DRAM1: variants seen among roughly 807,000 people sequenced by gnomAD.
DRAM1 encodes the protein DNA damage-regulated autophagy modulator protein 1.
In DRAM1, 25 loss-of-function variants were observed where a neutral mutation model predicts 28.5. That is an observed-to-expected ratio of 0.88 (90% CI 0.64 to 1.23). DRAM1 has a LOEUF of 1.23. Ranked by LOEUF, DRAM1 falls within the 50% of genes most tolerant of loss-of-function variation. DRAM1 has a pLI of 0.00. For missense variants in DRAM1, 249 were observed against 299.2 expected, an observed-to-expected ratio of 0.83 and a Z score of 1.24; for synonymous variants, 113 against 114.2, an observed-to-expected ratio of 0.99 and a Z score of 0.07.
At position 101,901,424 on chromosome 12, in the gene DRAM1, C is replaced by A. The variant is rs767425290; in HGVS notation, c.333C>A (p.Ala111=). 1.9e-5 allele frequency: 31 copies of A among 1,613,726 alleles called. No individual in the cohort carries two copies. The highest frequency in any genetic ancestry group is 2.3e-5 in the Non-Finnish European group (27 of 1,179,948). The part of the protein sequence containing the change: ...LVGCFGMGIV[A]NFQELAVPVV... ...GATGTTTCGGAATGGGCATTGTCGC[C>A]AATTTTCAGGTATAATCTGGAGCTT... is the stretch of plus-strand genomic sequence containing the variant. Residue 111 remains alanine (A), a synonymous_variant, in exon 3 of 7, where the codon GCC becomes GCA. Coordinates refer to ENST00000258534, the MANE Select transcript of DRAM1 (RefSeq NM_018370.3).
In DRAM1 at chr12:101,921,860, A is replaced by G. The variant is rs1484645995; in HGVS notation, c.*600A>G. ...CTGAGAGGCCTTTATACCACCATGT[A>G]CAGTAACTCTAAGTGAATACGGAAG... On this transcript the variant is annotated 3_prime_UTR_variant, in exon 7 of 7. Coordinates refer to ENST00000258534, the MANE Select transcript of DRAM1 (RefSeq NM_018370.3). 1 of 152,394 alleles carries G rather than the reference A, an allele frequency of 6.6e-6. No homozygotes were observed. Among genetic ancestry groups the G allele is most frequent in the Non-Finnish European group, 1.5e-5 (1 of 68,190 alleles). The allele number at this position is 152,394 out of a possible 1,614,324, so 9.4% of individuals were successfully genotyped here. A position where few individuals can be genotyped will look rare whatever the true frequency, so the allele number is the denominator to read the frequency against.
At chr12:101,906,820 A>T (rs1479864521) in intron 3 of DRAM1, among the ~76,000 whole-genome samples, 1 of 146,758 alleles carries the variant, frequency 6.8e-6, no homozygotes. Context: ...TCATCACTGC[A>T]CTCCAGCCTG....
At position 101,914,411 on chromosome 12, in the gene DRAM1, G is replaced by A. The variant is rs186329557; in HGVS notation, c.579+179G>A. Among the ~76,000 whole-genome samples, 185 of 152,146 alleles carry A rather than the reference G, an allele frequency of 1.2e-3. No individual in the cohort carries two copies. Among genetic ancestry groups the A allele is most frequent in the Middle Eastern group, 3.4e-3 (1 of 290 alleles). On this transcript the variant is annotated intron_variant, in intron 5 of 6. Transcript: ENST00000258534. ...GGCAGTATGTAGTAATTAGCTATCA[G>A]GGTAATTCCAAATGCTTCCTGGAAG...
intron 4 of DRAM1, among the ~76,000 whole-genome samples, chr12:101,911,047 C>T (rs780922949): frequency 3.9e-5 from 6 of 151,946 alleles, no homozygotes; most frequent in Non-Finnish European, 8.8e-5. Context: ...ACCAACCTGG[C>T]CAACATGGTG....
Position 101,921,534 on chromosome 12 carries a change from T to C in DRAM1, c.*274T>C, listed in dbSNP as rs1475362591. On this transcript the variant is annotated 3_prime_UTR_variant, in exon 7 of 7. Transcript: ENST00000258534. Reference sequence around the variant, plus strand: ...TTCATATACAGAAAAAATAAGGTGTTACAAAAAATGGAGAGCTCTTATTTT... The same window carrying C: ...TTCATATACAGAAAAAATAAGGTGTCACAAAAAATGGAGAGCTCTTATTTT... 1 of 270,394 alleles carries C rather than the reference T, an allele frequency of 3.7e-6. No individual in the cohort carries two copies. Among genetic ancestry groups the C allele is most frequent in the Non-Finnish European group, 6.8e-6 (1 of 146,048 alleles). 16.7% of individuals were successfully genotyped at this position (270,394 alleles called of 1,614,324 possible).
intron 1 of DRAM1, among the ~76,000 whole-genome samples, chr12:101,884,787 G>C (rs1289561809): frequency 6.6e-6 from 1 of 152,214 alleles, no homozygotes; most frequent in East Asian, 1.9e-4. Flanking sequence ...TGAAGTAAAA[G>C]AAGTTTGGTC....
In DRAM1 at chr12:101,921,490, AT is replaced by A. The variant is rs1874482057; in HGVS notation, c.*237del. On this transcript the variant is annotated 3_prime_UTR_variant, in exon 7 of 7. Coordinates refer to ENST00000258534, the MANE Select transcript of DRAM1 (RefSeq NM_018370.3). ...GATGTTTTTATAATTTTCTAAGTAGATTTTTTTATATTAACAAATTCATATA... is the reference window on the plus strand; with the variant it reads ...GATGTTTTTATAATTTTCTAAGTAGATTTTTTATATTAACAAATTCATATA... The A allele has an allele frequency of 2.8e-6, 1 of 357,520 alleles. No homozygotes were observed. The highest frequency in any genetic ancestry group is 4.6e-5 in the East Asian group (1 of 21,912). The allele number at this position is 357,520 out of a possible 1,614,324, so 22.1% of individuals were successfully genotyped here. A position where few individuals can be genotyped will look rare whatever the true frequency, so the allele number is the denominator to read the frequency against.
At chr12:101,884,819 AT>A (rs751543994) in intron 1 of DRAM1, among the ~76,000 whole-genome samples, 1 of 152,212 alleles carries the variant, frequency 6.6e-6, no homozygotes, top group Admixed American at 6.5e-5. Flanking sequence ...TTCAAAAATG[AT>A]ACTAAAAATT....
chr12:101,914,305 G>T, intron 5 of DRAM1, 73 bp downstream of exon 5: 1 of 1,151,474 alleles, frequency 8.7e-7, no homozygotes, highest in Non-Finnish European at 1.3e-6. Context: ...TAGGCATAGG[G>T]AAGATCACTG....
rs764552698 is a variant in DRAM1 at position 101,914,179 on chromosome 12, G to A, written c.526G>A (p.Val176Ile). ...VSCAAVIPMI[V>I]CASLISITKL... is the part of the protein sequence containing the mutation. ...TAACTGTTTACTTCTTTCAGTGATT[G>A]TCTGTGCTTCACTAATTTCCATAAC... Residue 176 changes from valine (V) to isoleucine (I), a missense_variant, in exon 5 of 7, where the codon GTC becomes ATC. This residue lies in a region of DRAM1 where 218 missense variants were observed against 243.1 expected (regional missense o/e 0.90). Transcript: ENST00000258534. 3 of 1,607,196 alleles carry A rather than the reference G, an allele frequency of 1.9e-6. No individual in the cohort carries two copies. The highest frequency in any genetic ancestry group is 1.3e-5 in the African/African-American group (1 of 74,640).
chr12:101,917,198 T>C (rs1372713487), intron 5 of DRAM1, among the ~76,000 whole-genome samples: 2 of 152,210 alleles, frequency 1.3e-5, no homozygotes, highest in Admixed American at 1.3e-4. Context: ...GATGGTTCTT[T>C]CATTCAGCTA....
At chr12:101,902,706 A>G (rs1312668819) in intron 3 of DRAM1, among the ~76,000 whole-genome samples, 1 of 152,250 alleles carries the variant, frequency 6.6e-6, no homozygotes, top group Non-Finnish European at 1.5e-5. Flanking sequence ...TAAGTCTTCA[A>G]TGATGTGATT....
At chr12:101,901,137 G>A (rs1873586692) in intron 2 of DRAM1, among the ~76,000 whole-genome samples, 154 bp from the exon 3 acceptor site, 1 of 151,666 alleles carries the variant, frequency 6.6e-6, no homozygotes, top group South Asian at 2.1e-4. Context: ...GTACATGCTG[G>A]GGAGAGAGTA....
rs1415072378 is a variant in DRAM1, at chr12:101,904,426, GGTTTTTTTTTTTTTTTTTT to G, written c.342+2994_342+3012del. ...TGAAGCTGAGTGATAGAGCTTTAGG[GGTTTTTTTTTTTTTTTTTT>G]TTTTTTTTTTTTTTGAGACAGAGTC... is the stretch of plus-strand genomic sequence containing the variant. On this transcript the variant is annotated intron_variant, in intron 3 of 6. Coordinates refer to ENST00000258534, the MANE Select transcript of DRAM1 (RefSeq NM_018370.3). 1.3e-3 allele frequency among the ~76,000 whole-genome samples: 51 copies of G among 39,152 alleles called. 2 individuals carry two copies. The highest frequency in any genetic ancestry group is 4.8e-3 in the African/African-American group (48 of 9,906). 25.7% of individuals were successfully genotyped at this position (39,152 alleles called of 152,430 possible).
chr12:101,917,759 A>G (rs1485393426), intron 5 of DRAM1, among the ~76,000 whole-genome samples: 2 of 145,132 alleles, frequency 1.4e-5, no homozygotes, highest in East Asian at 4.0e-4. Context: ...TCAATAGGTT[A>G]GACCTAGGCA....
chr12:101,889,764 A>G (rs910348325), intron 1 of DRAM1, among the ~76,000 whole-genome samples: 3 of 151,700 alleles, frequency 2.0e-5, no homozygotes, highest in African/African-American at 7.3e-5. Context: ...ACATGATGAA[A>G]CCCCATCTCT....
At chr12:101,911,001 C>T (rs761106276) in intron 4 of DRAM1, among the ~76,000 whole-genome samples, 86 of 152,000 alleles carry the variant, frequency 5.7e-4, no homozygotes, top group Non-Finnish European at 1.0e-3. Flanking sequence ...GTTGGGAGGC[C>T]GAGGCAGGTG....
intron 4 of DRAM1, among the ~76,000 whole-genome samples, chr12:101,910,725 C>T (rs372695549): frequency 6.6e-6 from 1 of 151,704 alleles, no homozygotes; most frequent in Non-Finnish European, 1.5e-5. Flanking sequence ...GTGATCCACC[C>T]GCCTCAGCCT....
intron 5 of DRAM1, among the ~76,000 whole-genome samples, chr12:101,914,596 C>G (rs1050529990): frequency 6.6e-6 from 1 of 151,708 alleles, no homozygotes; most frequent in Non-Finnish European, 1.5e-5. Flanking sequence ...GATTCTCCTG[C>G]CTCAGTCTCC....
Sources: allele counts gnomAD v4.1 joint callset (sites outside exome capture counted in the v4.1 genomes callset), GRCh38; gene constraint gnomAD v4.1.1; regional missense constraint gnomAD v4.1.1; transcripts MANE v1.5; gene names NCBI Gene and HGNC (gene_info 2026-07-23, HGNC 2026-07-21).